Variants in SPPL2A observed in about 807,000 individuals in gnomAD.
SPPL2A encodes signal peptide peptidase like 2A.
SPPL2A carries 51 observed loss-of-function variants against 63.8 expected under a neutral mutation model. The ratio of observed to expected loss-of-function variants is 0.80; its 90% CI spans 0.64 to 1.01. The LOEUF is 1.01. Among genes scored for constraint, SPPL2A ranks in the 50% least tolerant of loss-of-function variants. The pLI, the probability that SPPL2A is intolerant of heterozygous loss-of-function variation, is 0.00. For missense variants in SPPL2A, 553 were observed against 622.7 expected (o/e 0.89, Z 1.19); for synonymous variants, 188 against 205.8 (o/e 0.91, Z 0.74).
In SPPL2A at chr15:50,703,349, T is replaced by TATAC. The variant is rs1555439710; in HGVS notation, c.*4450_*4451insGTAT. ...ACATATATATATATATATATATACATATATATATTTTTTTTTTTTTTTTTT... is the reference window on the plus strand; with the variant it reads ...ACATATATATATATATATATATACATATACATATATATTTTTTTTTTTTTTTTTT... On this transcript the variant is annotated 3_prime_UTR_variant, in exon 15 of 15. Coordinates refer to ENST00000261854, the MANE Select transcript of SPPL2A (RefSeq NM_032802.4). The TATAC allele has an allele frequency of 6.8e-5, 6 of 88,002 alleles. No individual in the cohort carries two copies. Among genetic ancestry groups the TATAC allele is most frequent in the South Asian group, 4.1e-4 (1 of 2,426 alleles). 5.5% of individuals were successfully genotyped at this position (88,002 alleles called of 1,614,324 possible). A position where few individuals can be genotyped will look rare whatever the true frequency, so the allele number is the denominator to read the frequency against.
At chr15:50,750,127 A>G (rs1235310039) in intron 1 of SPPL2A, among the ~76,000 whole-genome samples, 1 of 152,142 alleles carries the variant, frequency 6.6e-6, no homozygotes. Context: ...TTTTTGACAC[A>G]GAGTCTTGCT....
chr15:50,765,179 C>G (rs1225016769), intron 1 of SPPL2A, among the ~76,000 whole-genome samples: 1 of 151,840 alleles, frequency 6.6e-6, no homozygotes, highest in Non-Finnish European at 1.5e-5. Flanking sequence ...AAGGTCAACG[C>G]AACCTAAGGG....
At chr15:50,722,238 A>G (rs1286699717) in intron 12 of SPPL2A, 37 bp from the exon 13 acceptor site, 12 of 1,150,264 alleles carry the variant, frequency 1.0e-5, no homozygotes, top group Admixed American at 5.1e-5. Flanking sequence ...TCTTAAAACA[A>G]TAACAGCAAT....
rs1262097198 is a variant in SPPL2A at position 50,703,342 on chromosome 15, ATATACATATATATATTTTTT to A, written c.*4438_*4457del. ...CATATATACATATATATATATATATATATACATATATATATTTTTTTTTTTTTTTTTTTTTTTTGAGATGG... is the reference window on the plus strand; with the variant it reads ...CATATATACATATATATATATATATATTTTTTTTTTTTTTTTTTGAGATGG... On this transcript the variant is annotated 3_prime_UTR_variant, in exon 15 of 15. Transcript: ENST00000261854. 53 of 85,362 alleles carry A rather than the reference ATATACATATATATATTTTTT, an allele frequency of 6.2e-4. No individual in the cohort carries two copies. Among genetic ancestry groups the A allele is most frequent in the African/African-American group, 2.2e-3 (52 of 23,818 alleles). The allele number at this position is 85,362 out of a possible 1,614,324, so 5.3% of individuals were successfully genotyped here. A position where few individuals can be genotyped will look rare whatever the true frequency, so the allele number is the denominator to read the frequency against.
At chr15:50,722,079 G>A in intron 13 of SPPL2A, 45 bp downstream of exon 13, 1 of 1,039,794 alleles carries the variant, frequency 9.6e-7, no homozygotes, top group South Asian at 1.3e-5. Context: ...TTTTCCTCCA[G>A]ACAATACAAT....
At chr15:50,755,627 C>CAAA (rs148415568) in intron 1 of SPPL2A, among the ~76,000 whole-genome samples, 129 of 49,240 alleles carry the variant, frequency 2.6e-3, no homozygotes, top group African/African-American at 3.3e-3. Flanking sequence ...CACCCTGTCT[C>CAAA]AAAAAAAAAA....
rs1186096581 is a variant in SPPL2A at position 50,730,712 on chromosome 15, A to T, written c.1089+253T>A. 2.0e-5 allele frequency among the ~76,000 whole-genome samples: 3 copies of T among 152,218 alleles called. No homozygotes were observed. In the East Asian group the frequency reaches 5.8e-4, roughly 29 times the overall value. ...ATTGCCTACAGTAAACATTTAGCTC[A>T]TAAGAAAAAATACTTTAAAAAGGGA... On this transcript the variant is annotated intron_variant, in intron 10 of 14. Coordinates refer to ENST00000261854, the MANE Select transcript of SPPL2A (RefSeq NM_032802.4).
chr15:50,710,921 C>T (rs1009846154), intron 14 of SPPL2A, among the ~76,000 whole-genome samples: 8 of 152,138 alleles, frequency 5.3e-5, no homozygotes, highest in African/African-American at 1.9e-4. Context: ...TTTAACTCCA[C>T]TTATTTCATT....
intron 9 of SPPL2A, among the ~76,000 whole-genome samples, chr15:50,731,927 C>CAAAAAAAAAAAAAAAAAAAAAAAACAA (rs60624824): frequency 1.6e-5 from 1 of 64,228 alleles, no homozygotes. Context: ...GACTCCATCT[C>CAAAAAAAAAAAAAAAAAAAAAAAACAA]AAAAAAAAAA....
Position 50,760,871 on chromosome 15 carries a change from G to A in SPPL2A, c.66+4597C>T, listed in dbSNP as rs558722184. On this transcript the variant is annotated intron_variant, in intron 1 of 14. Transcript: ENST00000261854. ...GAGTTGGTGTAGTATACAAAAGGAA[G>A]GCAAATTTTCAGCAACAGATTTTTC... Among the ~76,000 whole-genome samples the A allele has an allele frequency of 9.2e-5, 14 of 152,186 alleles. No homozygotes were observed. The East Asian group carries it at 2.3e-3, about 25-fold the overall frequency.
intron 14 of SPPL2A, among the ~76,000 whole-genome samples, chr15:50,708,725 G>C (rs2062533448): frequency 6.7e-6 from 1 of 148,616 alleles, no homozygotes; most frequent in Non-Finnish European, 1.5e-5. Context: ...AAATACATTT[G>C]CTATAGACTA....
intron 14 of SPPL2A, among the ~76,000 whole-genome samples, chr15:50,718,364 A>G (rs2141023494): frequency 6.6e-6 from 1 of 152,270 alleles, no homozygotes; most frequent in East Asian, 1.9e-4. Flanking sequence ...GTATCCTCTC[A>G]TAGAATCACT....
At position 50,704,484 on chromosome 15, in the gene SPPL2A, T is replaced by C. The variant is rs1369723659; in HGVS notation, c.*3316A>G. On this transcript the variant is annotated 3_prime_UTR_variant, in exon 15 of 15. Transcript: ENST00000261854. ...TAATCTACATTACAATTTGAGATAG[T>C]GATTTCTGTTGATAAGCCACAAAAA... 2 of 152,012 alleles carry C rather than the reference T, an allele frequency of 1.3e-5. No homozygotes were observed. Among genetic ancestry groups the C allele is most frequent in the Non-Finnish European group, 2.9e-5 (2 of 68,000 alleles). The allele number at this position is 152,012 out of a possible 1,614,324, so 9.4% of individuals were successfully genotyped here.
At chr15:50,765,044 T>C (rs533987184) in intron 1 of SPPL2A, among the ~76,000 whole-genome samples, 25 of 152,128 alleles carry the variant, frequency 1.6e-4, no homozygotes, top group African/African-American at 5.8e-4. Flanking sequence ...CCGCTAAACA[T>C]ACTGGCGCCT....
chr15:50,716,805 A>G (rs2062602398), intron 14 of SPPL2A, among the ~76,000 whole-genome samples: 1 of 152,130 alleles, frequency 6.6e-6, no homozygotes, highest in South Asian at 2.1e-4. Flanking sequence ...TTCTGCCTCT[A>G]CATTCTCAAC....
rs1171418818 is a variant in SPPL2A at position 50,765,461 on chromosome 15, C to A, written c.66+7G>T. The A allele has an allele frequency of 8.0e-6, 12 of 1,501,530 alleles. No individual in the cohort carries two copies. Among genetic ancestry groups the A allele is most frequent in the Non-Finnish European group, 1.1e-5 (12 of 1,132,878 alleles). 93.0% of individuals were successfully genotyped at this position (1,501,530 alleles called of 1,614,324 possible). On this transcript the variant is annotated splice_region_variant and intron_variant, in intron 1 of 14. Coordinates refer to ENST00000261854, the MANE Select transcript of SPPL2A (RefSeq NM_032802.4). ...TGGGAGGCCTGCGCGCCTTCCCGCC[C>A]CCTTACCAGCTGGAGCAGGAAGCCC...
rs906560431 is a variant in SPPL2A at position 50,748,985 on chromosome 15, T to A, written c.178-115A>T. The A allele has an allele frequency of 1.1e-5, 6 of 551,884 alleles. No homozygotes were observed. The African/African-American group carries it at 1.2e-4, about 11-fold the overall frequency. The allele number at this position is 551,884 out of a possible 1,614,324, so 34.2% of individuals were successfully genotyped here. Reference sequence around the variant, plus strand: ...TTGGTTTAAGACAATATCTTTTGAATTAGAAATATTTAGGCTTAGAATTAA... The same window carrying A: ...TTGGTTTAAGACAATATCTTTTGAAATAGAAATATTTAGGCTTAGAATTAA... On this transcript the variant is annotated intron_variant, in intron 2 of 14. Transcript: ENST00000261854.
At chr15:50,747,063 T>TG (rs1012255954) in intron 5 of SPPL2A, among the ~76,000 whole-genome samples, 5 of 152,186 alleles carry the variant, frequency 3.3e-5, no homozygotes, top group Admixed American at 3.3e-4. Flanking sequence ...AAAAAAAAGA[T>TG]GGACATTACT....
chr15:50,763,547 A>G (rs2063030781), intron 1 of SPPL2A, among the ~76,000 whole-genome samples: 1 of 152,226 alleles, frequency 6.6e-6, no homozygotes, highest in South Asian at 2.1e-4. Context: ...AGAACCGAGG[A>G]ATATAGAACC....
Sources: gnomAD v4.1 joint callset for allele counts (sites outside exome capture counted in the v4.1 genomes callset) on GRCh38, gnomAD v4.1.1 for gene constraint, MANE v1.5 for transcripts, NCBI Gene and HGNC (gene_info 2026-07-23, HGNC 2026-07-21) for gene names.